FRMD6: variants seen among roughly 807,000 people sequenced by gnomAD.
The protein encoded by FRMD6 is FERM domain-containing protein 6.
A neutral mutation model predicts 73.2 loss-of-function variants in FRMD6; 37 were observed. The ratio of observed to expected loss-of-function variants is 0.51; its 90% CI spans 0.39 to 0.66. FRMD6 has a LOEUF of 0.66. FRMD6 is among the 30% of genes least tolerant of loss of function. The pLI is 0.00. For missense variants in FRMD6, 714 were observed against 780.5 expected, an observed-to-expected ratio of 0.91 and a Z score of 1.02; for synonymous variants, 273 against 282.2, an observed-to-expected ratio of 0.97 and a Z score of 0.33.
At chr14:51,518,051 A>G (rs1206928186) in intron 1 of FRMD6, among the ~76,000 whole-genome samples, 1 of 152,272 alleles carries the variant, frequency 6.6e-6, no homozygotes, top group Non-Finnish European at 1.5e-5. Flanking sequence ...AAATTATCTT[A>G]GCATATTCCA....
chr14:51,695,800 C>G (rs573133393), intron 2 of FRMD6, among the ~76,000 whole-genome samples: 1 of 152,196 alleles, frequency 6.6e-6, no homozygotes, highest in African/African-American at 2.4e-5. Context: ...GGGTAAGATA[C>G]TTTAGGTTGG....
At chr14:51,528,539 G>A (rs1000823755) in intron 1 of FRMD6, among the ~76,000 whole-genome samples, 1 of 152,008 alleles carries the variant, frequency 6.6e-6, no homozygotes. Context: ...GGTCCCCAAA[G>A]GTAAAACACC....
chr14:51,460,986 T>C, the FRMD6 span, among the ~76,000 whole-genome samples: 2 of 152,210 alleles, frequency 1.3e-5, no homozygotes. Flanking sequence ...CTTCCCTACA[T>C]ATAGTTTATA....
intron 2 of FRMD6, among the ~76,000 whole-genome samples, chr14:51,585,939 G>GTGTGTGTGTGTGTGTGTGTGTGTGTGTA: frequency 3.2e-5 from 1 of 31,392 alleles, no homozygotes; most frequent in Non-Finnish European, 9.6e-5. Context: ...GTGTGTGTGT[G>GTGTGTGTGTGTGTGTGTGTGTGTGTGTA]TATATATATA....
intron 3 of FRMD6, among the ~76,000 whole-genome samples, chr14:51,699,198 A>T (rs943907905): frequency 6.6e-6 from 1 of 152,092 alleles, no homozygotes; most frequent in Non-Finnish European, 1.5e-5. Context: ...GCTAAAGAGC[A>T]TGGAGCAGGG....
At chr14:51,403,850 T>C in the FRMD6 span, among the ~76,000 whole-genome samples, 1 of 152,384 alleles carries the variant, frequency 6.6e-6, no homozygotes, top group South Asian at 2.1e-4. Flanking sequence ...TTGGATTTTT[T>C]TCAAGATTTT....
intron 2 of FRMD6, among the ~76,000 whole-genome samples, chr14:51,585,939 G>GTGTGTGTGTGTGTATA: frequency 7.3e-4 from 23 of 31,410 alleles, no homozygotes; most frequent in African/African-American, 1.4e-3. Flanking sequence ...GTGTGTGTGT[G>GTGTGTGTGTGTGTATA]TATATATATA....
intron 1 of FRMD6, among the ~76,000 whole-genome samples, chr14:51,683,689 C>T (rs1233180927): frequency 6.6e-6 from 1 of 152,054 alleles, no homozygotes; most frequent in Non-Finnish European, 1.5e-5. Context: ...TCTTAGGCGG[C>T]CAATACTACA....
At chr14:51,443,058 C>A in the FRMD6 span, among the ~76,000 whole-genome samples, 1 of 152,200 alleles carries the variant, frequency 6.6e-6, no homozygotes, top group Non-Finnish European at 1.5e-5. Context: ...TGGGGAAAAA[C>A]CCTGCAGGAT....
chr14:51,476,173 C>T, the FRMD6 span, among the ~76,000 whole-genome samples: 1 of 152,174 alleles, frequency 6.6e-6, no homozygotes, highest in East Asian at 1.9e-4. Context: ...GGCTCCCAGA[C>T]CACAGCTGGG....
chr14:51,420,120 A>T, the FRMD6 span, among the ~76,000 whole-genome samples: 7 of 152,218 alleles, frequency 4.6e-5, no homozygotes, highest in Non-Finnish European at 1.0e-4. Context: ...TCTGCATGTC[A>T]AGGCCCAAGG....
rs919465554 is a variant in FRMD6, at chr14:51,720,149, G to A, written c.1119G>A (p.Ala373=). 1.9e-6 allele frequency: 3 copies of A among 1,613,892 alleles called. No individual in the cohort carries two copies. Among genetic ancestry groups the A allele is most frequent in the Admixed American group, 1.7e-5 (1 of 60,020 alleles). ...EKRSRASGSS[A]GSMKHKRLSR... is the part of the protein sequence containing the mutation. The stretch of plus-strand genomic sequence containing the variant: ...GGTCGCGGGCCAGCGGGAGCAGTGC[G>A]GGCAGCATGAAACACAAGCGCCTGT... The change falls in exon 11 of 14, where the codon GCG becomes GCA. Residue 373 remains alanine, a synonymous_variant. Coordinates refer to ENST00000344768, the MANE Select transcript of FRMD6 (RefSeq NM_001267046.2).
chr14:51,627,653 C>T (rs1360656977), intron 2 of FRMD6, among the ~76,000 whole-genome samples: 4 of 152,238 alleles, frequency 2.6e-5, no homozygotes, highest in Non-Finnish European at 1.5e-5. Context: ...CATTTCCATT[C>T]CTGATGCTTG....
chr14:51,713,225 A>G (rs1897044660), intron 9 of FRMD6, among the ~76,000 whole-genome samples: 1 of 152,210 alleles, frequency 6.6e-6, no homozygotes, highest in Non-Finnish European at 1.5e-5. Context: ...TGGGAGGCCA[A>G]GGTGAGCAGA....
At chr14:51,711,704 G>T in intron 8 of FRMD6, 108 bp downstream of exon 8, 1 of 745,516 alleles carries the variant, frequency 1.3e-6, no homozygotes, top group Non-Finnish European at 2.4e-6. Flanking sequence ...CCACTGGCTG[G>T]TCATCATTTC....
intron 1 of FRMD6, chr14:51,489,467 T>C (rs879756463): frequency 6.6e-6 from 1 of 152,588 alleles, no homozygotes; most frequent in Non-Finnish European, 1.5e-5. Flanking sequence ...AAATATAATC[T>C]GAAGACAAAT....
At chr14:51,416,297 T>C in the FRMD6 span, among the ~76,000 whole-genome samples, 1 of 152,360 alleles carries the variant, frequency 6.6e-6, no homozygotes, top group African/African-American at 2.4e-5. Context: ...TTTAGTGCTA[T>C]AAATTTCCCT....
At chr14:51,615,136 A>G (rs1890657861) in intron 2 of FRMD6, among the ~76,000 whole-genome samples, 1 of 152,212 alleles carries the variant, frequency 6.6e-6, no homozygotes, top group African/African-American at 2.4e-5. Context: ...TGCTGCCACT[A>G]AAAGCTCAGT....
At chr14:51,435,671 G>T in the FRMD6 span, among the ~76,000 whole-genome samples, 2 of 152,086 alleles carry the variant, frequency 1.3e-5, no homozygotes, top group Non-Finnish European at 2.9e-5. Context: ...GATAAGGAAA[G>T]GATTTTTTAA....
Sources: gnomAD v4.1 joint callset for allele counts (sites outside exome capture counted in the v4.1 genomes callset) on GRCh38, gnomAD v4.1.1 for gene constraint, MANE v1.5 for transcripts, NCBI Gene and HGNC (gene_info 2026-07-23, HGNC 2026-07-21) for gene names.